DLC1: variants seen among roughly 807,000 people sequenced by gnomAD.
The protein encoded by DLC1 is rho GTPase-activating protein 7.
Under a neutral mutation model 140.3 loss-of-function variants are expected in DLC1, and 54 were observed. The ratio of observed to expected loss-of-function variants is 0.38; its 90% CI spans 0.31 to 0.48. The LOEUF (loss-of-function observed/expected upper bound fraction) is 0.48, where lower values mean the gene tolerates loss of function less well. Among genes scored for constraint, DLC1 ranks in the 20% least tolerant of loss-of-function variants. DLC1 has a pLI of 0.96. For synonymous variants in DLC1, 986 were observed against 728.1 expected (o/e 1.35, Z -5.70); for missense variants, 2,536 against 1,907.0 (o/e 1.33, Z -6.14).
chr8:13,410,604 T>C (rs1837740757), intron 2 of DLC1, among the ~76,000 whole-genome samples: 1 of 150,888 alleles, frequency 6.6e-6, no homozygotes, highest in African/African-American at 2.4e-5. Flanking sequence ...CAAAAAAGAC[T>C]ATAAAATACC....
intron 2 of DLC1, among the ~76,000 whole-genome samples, chr8:13,417,470 T>C (rs1209547342): frequency 6.6e-6 from 1 of 151,696 alleles, no homozygotes; most frequent in African/African-American, 2.4e-5. Context: ...TTTGGTTTTT[T>C]TGTCCTTGCT....
chr8:13,358,992 G>T (rs892621179), intron 4 of DLC1, among the ~76,000 whole-genome samples: 15 of 114,650 alleles, frequency 1.3e-4, no homozygotes, highest in African/African-American at 4.2e-4. Context: ...ACGCTGGAGT[G>T]CAGTGGCGCG....
At chr8:13,498,252 A>G (rs1003567459) in intron 2 of DLC1, among the ~76,000 whole-genome samples, 1 of 152,160 alleles carries the variant, frequency 6.6e-6, no homozygotes. Flanking sequence ...CAGTTTTTGG[A>G]AAAATGTGGG....
At chr8:13,580,807 G>A (rs1220395831) in intron 1 of DLC1, among the ~76,000 whole-genome samples, 1 of 152,188 alleles carries the variant, frequency 6.6e-6, no homozygotes, top group Non-Finnish European at 1.5e-5. Context: ...GTATGAAAAG[G>A]TTTACTATGC....
chr8:13,546,479 A>G (rs1803652382), intron 1 of DLC1, among the ~76,000 whole-genome samples: 1 of 152,156 alleles, frequency 6.6e-6, no homozygotes, highest in African/African-American at 2.4e-5. Flanking sequence ...AAGCACATTT[A>G]TCTACAAATT....
chr8:13,391,686 G>C (rs571201424), intron 4 of DLC1, among the ~76,000 whole-genome samples: 1 of 152,228 alleles, frequency 6.6e-6, no homozygotes, highest in South Asian at 2.1e-4. Flanking sequence ...ACTGAAGAAA[G>C]AGTAAGCAAC....
intron 4 of DLC1, among the ~76,000 whole-genome samples, chr8:13,330,902 A>C (rs1749454089): frequency 6.6e-6 from 1 of 152,206 alleles, no homozygotes; most frequent in Non-Finnish European, 1.5e-5. Context: ...TAGGTGTTCC[A>C]CCCTCTGCAA....
intron 1 of DLC1, among the ~76,000 whole-genome samples, chr8:13,531,503 T>A (rs1803096215): frequency 6.6e-6 from 1 of 152,118 alleles, no homozygotes; most frequent in Non-Finnish European, 1.5e-5. Context: ...GGAGAATCAC[T>A]TGAACCTGGG....
chr8:13,167,871 A>T (rs187145673), intron 5 of DLC1, among the ~76,000 whole-genome samples: 17 of 152,376 alleles, frequency 1.1e-4, no homozygotes, highest in African/African-American at 4.1e-4. Flanking sequence ...AAACAAAAAC[A>T]AAAACTAAAC....
At chr8:13,092,994 C>T (rs1395566761) in intron 12 of DLC1, among the ~76,000 whole-genome samples, 169 bp from the exon 13 acceptor site, 2 of 152,108 alleles carry the variant, frequency 1.3e-5, no homozygotes, top group Non-Finnish European at 2.9e-5. Flanking sequence ...TTGCCACCGG[C>T]GTCACTATCC....
At chr8:13,103,667 C>T (rs1290012151) in intron 7 of DLC1, among the ~76,000 whole-genome samples, 1 of 151,548 alleles carries the variant, frequency 6.6e-6, no homozygotes, top group African/African-American at 2.4e-5. Context: ...GGCGAAACCC[C>T]AACTCTACTA....
upstream of DLC1, among the ~76,000 whole-genome samples, chr8:13,518,682 T>C (rs1379486158): frequency 5.3e-5 from 8 of 152,240 alleles, no homozygotes; most frequent in African/African-American, 1.9e-4. Flanking sequence ...TCAGCTTTTA[T>C]GTTTTCCATT....
At chr8:13,590,967 A>G (rs1205005855) in intron 1 of DLC1, among the ~76,000 whole-genome samples, 1 of 152,076 alleles carries the variant, frequency 6.6e-6, no homozygotes, top group African/African-American at 2.4e-5. Context: ...TTTGGCCAAT[A>G]TTTTCTTCAT....
chr8:13,392,809 T>C (rs1836822550), intron 4 of DLC1, among the ~76,000 whole-genome samples: 1 of 128,700 alleles, frequency 7.8e-6, no homozygotes. Flanking sequence ...CCTCCTTTCG[T>C]GGTGTATTAT....
intron 4 of DLC1, among the ~76,000 whole-genome samples, chr8:13,351,413 T>C (rs565260661): frequency 1.5e-4 from 23 of 152,326 alleles, no homozygotes; most frequent in South Asian, 4.1e-4. Context: ...AGTTTTCCTA[T>C]ATAATTACTT....
At chr8:13,256,232 C>A (rs952488284) in intron 5 of DLC1, among the ~76,000 whole-genome samples, 1 of 152,142 alleles carries the variant, frequency 6.6e-6, no homozygotes, top group Non-Finnish European at 1.5e-5. Context: ...GTTGTTACTA[C>A]GTAACTCAAG....
intron 5 of DLC1, among the ~76,000 whole-genome samples, chr8:13,189,924 A>C (rs898623850): frequency 5.9e-5 from 9 of 151,914 alleles, no homozygotes; most frequent in Admixed American, 5.9e-4. Flanking sequence ...CTGGCTTCCC[A>C]CAAAGCCAGA....
At chr8:13,469,985 T>A (rs6999020) in intron 2 of DLC1, among the ~76,000 whole-genome samples, 71,384 of 151,884 alleles carry the variant, frequency 0.47, 16,982 homozygotes, top group African/African-American at 0.51. Flanking sequence ...GAAAGTGGCA[T>A]TTGGATTTCC....
At chr8:13,356,390 T>C (rs1343152565) in intron 4 of DLC1, among the ~76,000 whole-genome samples, 2 of 152,074 alleles carry the variant, frequency 1.3e-5, no homozygotes, top group African/African-American at 2.4e-5. Context: ...TTCAAAGCCG[T>C]TTACAGTTTG....
Sources: allele counts gnomAD v4.1 joint callset (sites outside exome capture counted in the v4.1 genomes callset), GRCh38; gene constraint gnomAD v4.1.1; transcripts MANE v1.5; gene names NCBI Gene and HGNC (gene_info 2026-07-23, HGNC 2026-07-21).